Variants in TLCD4 observed in about 807,000 individuals in gnomAD.
The protein encoded by TLCD4 is TLC domain-containing protein 4.
A neutral mutation model predicts 24.2 loss-of-function variants in TLCD4; 7 were observed. That is an observed-to-expected ratio of 0.29 (90% CI 0.16 to 0.54). The LOEUF is 0.54. Among genes scored for constraint, TLCD4 ranks in the 20% least tolerant of loss-of-function variants. The pLI, the probability that TLCD4 is intolerant of heterozygous loss-of-function variation, is 0.95. For synonymous variants in TLCD4, 103 were observed against 106.4 expected, an observed-to-expected ratio of 0.97 and a Z score of 0.20; for missense variants, 259 against 313.9, an observed-to-expected ratio of 0.82 and a Z score of 1.32.
At chr1:95,114,177 A>G (rs572524961), upstream of TLCD4, among the ~76,000 whole-genome samples, 614 of 152,306 alleles carry the variant, frequency 4.0e-3, 1 homozygote, top group Admixed American at 8.5e-3. Flanking sequence ...CTCCTGCCTC[A>G]GTCTCCCAAA....
At chr1:95,168,050 C>T (rs938267056) in intron 5 of TLCD4, among the ~76,000 whole-genome samples, 1 of 152,174 alleles carries the variant, frequency 6.6e-6, no homozygotes, top group African/African-American at 2.4e-5. Flanking sequence ...TTAGACACTT[C>T]CATCTATCGT....
intron 5 of TLCD4, among the ~76,000 whole-genome samples, chr1:95,162,907 C>T (rs886827314): frequency 6.6e-5 from 10 of 152,176 alleles, no homozygotes; most frequent in South Asian, 2.1e-4. Flanking sequence ...GTGGGTAACC[C>T]AACCTTTCTC....
intron 2 of TLCD4, among the ~76,000 whole-genome samples, chr1:95,146,528 T>G (rs1677354254): frequency 6.6e-6 from 1 of 152,108 alleles, no homozygotes. Flanking sequence ...GCACAAACAT[T>G]TCTTTTCCAC....
chr1:95,140,292 C>G (rs886596995), intron 1 of TLCD4, among the ~76,000 whole-genome samples: 1 of 152,168 alleles, frequency 6.6e-6, no homozygotes, highest in South Asian at 2.1e-4. Flanking sequence ...AGCATCACCT[C>G]AAACACGTGA....
At chr1:95,097,863 T>C in the TLCD4 span, among the ~76,000 whole-genome samples, 1 of 152,246 alleles carries the variant, frequency 6.6e-6, no homozygotes, top group East Asian at 1.9e-4. Context: ...GGGGCTTTGC[T>C]GTTTTGATAT....
At chr1:95,154,929 A>G (rs1185663042) in intron 5 of TLCD4, among the ~76,000 whole-genome samples, 2 of 150,534 alleles carry the variant, frequency 1.3e-5, no homozygotes, top group Non-Finnish European at 3.0e-5. Context: ...CATTGCCACT[A>G]TAGAACACGG....
chr1:95,152,072 T>A (rs1677509059), intron 5 of TLCD4, among the ~76,000 whole-genome samples: 1 of 152,126 alleles, frequency 6.6e-6, no homozygotes, highest in South Asian at 2.1e-4. Context: ...CAACTGCAAT[T>A]TTTTTCATAA....
the TLCD4 span, among the ~76,000 whole-genome samples, chr1:95,110,005 A>T: frequency 6.9e-6 from 1 of 144,818 alleles, no homozygotes; most frequent in African/African-American, 2.5e-5. Flanking sequence ...TCCTGCTCCC[A>T]CACTTAAATT....
rs531603392 is a variant in TLCD4 at position 95,150,401 on chromosome 1, C to T, written c.304+135C>T. ...GCATACAGAGGAAAAAAATACCTCC[C>T]ATGATGGTAGAACATGAAATGTCTT... is the stretch of plus-strand genomic sequence containing the variant. On this transcript the variant is annotated intron_variant, in intron 4 of 6. Transcript: ENST00000370203. The T allele has an allele frequency of 6.5e-6, 7 of 1,073,124 alleles. No homozygotes were observed. The South Asian group carries it at 1.1e-4, about 17-fold the overall frequency. The allele number at this position is 1,073,124 out of a possible 1,614,324, so 66.5% of individuals were successfully genotyped here.
intron 6 of TLCD4, among the ~76,000 whole-genome samples, chr1:95,175,554 A>T (rs1158716916): frequency 1.3e-5 from 2 of 152,158 alleles, no homozygotes; most frequent in Non-Finnish European, 2.9e-5. Flanking sequence ...ATATTTCTAG[A>T]AGTGGGATTG....
At chr1:95,188,772 C>G (rs1219983929) in intron 6 of TLCD4, among the ~76,000 whole-genome samples, 1 of 152,128 alleles carries the variant, frequency 6.6e-6, no homozygotes, top group Admixed American at 6.5e-5. Flanking sequence ...GATACTCTAA[C>G]AGGTTCATAT....
chr1:95,104,392 C>T, the TLCD4 span, among the ~76,000 whole-genome samples: 1 of 152,058 alleles, frequency 6.6e-6, no homozygotes, highest in Admixed American at 6.6e-5. Flanking sequence ...GGGCCAGGCA[C>T]GGTGGCTCAC....
chr1:95,169,535 A>T (rs2100982965), intron 5 of TLCD4, among the ~76,000 whole-genome samples: 1 of 152,332 alleles, frequency 6.6e-6, no homozygotes, highest in South Asian at 2.1e-4. Context: ...TTAATTTGGT[A>T]CTTTGGTTAA....
chr1:95,125,252 C>T (rs1676682427), intron 1 of TLCD4, among the ~76,000 whole-genome samples: 1 of 152,066 alleles, frequency 6.6e-6, no homozygotes, highest in South Asian at 2.1e-4. Context: ...TTGAGGCTAC[C>T]TGAAGTTTGT....
chr1:95,112,068 T>C, the TLCD4 span, among the ~76,000 whole-genome samples: 5,313 of 152,266 alleles, frequency 0.035, 132 homozygotes, highest in Middle Eastern at 0.075. Context: ...AAATTCTTTG[T>C]GTGGAAGTTT....
At chr1:95,141,080 A>G (rs1677185706) in intron 1 of TLCD4, among the ~76,000 whole-genome samples, 1 of 152,206 alleles carries the variant, frequency 6.6e-6, no homozygotes, top group Non-Finnish European at 1.5e-5. Flanking sequence ...CAGCTTGAAT[A>G]TATGGAGCTC....
chr1:95,179,275 A>G (rs1678552091), intron 6 of TLCD4, among the ~76,000 whole-genome samples: 1 of 152,226 alleles, frequency 6.6e-6, no homozygotes, highest in South Asian at 2.1e-4. Flanking sequence ...ACATACCTTT[A>G]GTAGAACATT....
chr1:95,131,538 T>A (rs549729204), intron 1 of TLCD4, among the ~76,000 whole-genome samples: 2 of 152,342 alleles, frequency 1.3e-5, no homozygotes, highest in South Asian at 4.1e-4. Context: ...CAGAGATGGC[T>A]TTTAGAAAAG....
At chr1:95,131,329 G>A (rs930428266) in intron 1 of TLCD4, among the ~76,000 whole-genome samples, 72 of 152,190 alleles carry the variant, frequency 4.7e-4, no homozygotes, top group African/African-American at 1.7e-3. Context: ...ATGGAAGGGA[G>A]TTAGGGAATA....
Sources: allele counts gnomAD v4.1 joint callset (sites outside exome capture counted in the v4.1 genomes callset), GRCh38; gene constraint gnomAD v4.1.1; transcripts MANE v1.5; gene names NCBI Gene and HGNC (gene_info 2026-07-23, HGNC 2026-07-21).